Variants in RPS6KA6 observed in about 807,000 individuals in gnomAD.
RPS6KA6 encodes the protein ribosomal protein S6 kinase alpha-6.
Under a neutral mutation model 65.4 loss-of-function variants are expected in RPS6KA6, and 27 were observed. That is an observed-to-expected ratio of 0.41 (90% CI 0.30 to 0.57). The LOEUF is 0.57. Ranked by LOEUF, RPS6KA6 falls within the 20% of genes least tolerant of loss-of-function variation. The pLI, the probability that RPS6KA6 is intolerant of heterozygous loss-of-function variation, is 0.24. For synonymous variants in RPS6KA6, 190 were observed against 184.2 expected, an observed-to-expected ratio of 1.03 and a Z score of -0.26; for missense variants, 486 against 555.6, an observed-to-expected ratio of 0.87 and a Z score of 1.26.
At chrX:84,112,245 T>C (rs1027674527) in intron 12 of RPS6KA6, among the ~76,000 whole-genome samples, 3 of 111,557 alleles carry the variant, frequency 2.7e-5, no homozygotes, top group African/African-American at 9.8e-5. Flanking sequence ...GGGACTTCAA[T>C]ACCAAGTGAC....
intron 17 of RPS6KA6, among the ~76,000 whole-genome samples, chrX:84,103,788 T>C (rs377358138): frequency 9.0e-6 from 1 of 111,067 alleles, no homozygotes; most frequent in Non-Finnish European, 1.9e-5. Flanking sequence ...ACACACAAAA[T>C]TGAGTACTAT....
At chrX:84,143,876 C>T (rs182463846) in intron 6 of RPS6KA6, among the ~76,000 whole-genome samples, 1 of 110,910 alleles carries the variant, frequency 9.0e-6, no homozygotes, top group Non-Finnish European at 1.9e-5. Flanking sequence ...CAGAAATAGG[C>T]CTTCATATAT....
intron 8 of RPS6KA6, among the ~76,000 whole-genome samples, chrX:84,131,497 G>A (rs1331333497): frequency 8.9e-6 from 1 of 111,813 alleles, no homozygotes; most frequent in Non-Finnish European, 1.9e-5. Flanking sequence ...TAGTCTTCGA[G>A]GTCAGTTCAG....
intron 20 of RPS6KA6, among the ~76,000 whole-genome samples, chrX:84,092,283 A>G (rs941188191): frequency 9.0e-6 from 1 of 111,161 alleles, no homozygotes; most frequent in Non-Finnish European, 1.9e-5. Flanking sequence ...CAGGTGCTAC[A>G]TGAACAGGTG....
At chrX:84,185,405 G>A (rs1034366405) in intron 1 of RPS6KA6, among the ~76,000 whole-genome samples, 1 of 111,619 alleles carries the variant, frequency 9.0e-6, no homozygotes, top group Non-Finnish European at 1.9e-5. Context: ...ACAAACAGTG[G>A]TTAGGCTCGG....
In RPS6KA6 at chrX:84,061,528, C is replaced by CA. The variant is rs35214197; in HGVS notation, c.*2748dup. The CA allele has an allele frequency of 0.55, 60,291 of 109,898 alleles. 13,668 individuals carry two copies. Among genetic ancestry groups the CA allele is most frequent in the Non-Finnish European group, 0.71 (37,398 of 52,404 alleles). 9.1% of individuals were successfully genotyped at this position (109,898 alleles called of 1,213,427 possible). A position where few individuals can be genotyped will look rare whatever the true frequency, so the allele number is the denominator to read the frequency against. On this transcript the variant is annotated 3_prime_UTR_variant, in exon 22 of 22. Transcript: ENST00000262752. ...GACTTGAAACCATTGTTTTTTCCCA[C>CA]AAAAATCCCCATCACCAGCACTGCA...
chrX:84,104,777 A>G, intron 16 of RPS6KA6, 120 bp from the exon 17 acceptor site: 1 of 447,571 alleles, frequency 2.2e-6, no homozygotes, highest in Non-Finnish European at 3.5e-6. Context: ...AGAAACAAAA[A>G]AGACATTATT....
chrX:84,182,059 TCTCTCA>T lies in RPS6KA6; in HGVS notation c.81+5754_81+5759del, dbSNP rs748780714. 3.7e-3 allele frequency among the ~76,000 whole-genome samples: 278 copies of T among 75,508 alleles called. 1 individual carries two copies. Among genetic ancestry groups the T allele is most frequent in the Middle Eastern group, 0.02 (2 of 99 alleles). The allele number at this position is 75,508 out of a possible 115,157, so 65.6% of individuals were successfully genotyped here. On this transcript the variant is annotated intron_variant, in intron 1 of 21. Coordinates refer to ENST00000262752, the MANE Select transcript of RPS6KA6 (RefSeq NM_014496.5). The stretch of plus-strand genomic sequence containing the variant: ...CTGTCTCTCTCTCTCTCTCTCTCTC[TCTCTCA>T]CACACACACACACACACACACACAC...
At position 84,061,815 on chromosome X, in the gene RPS6KA6, G is replaced by T. The variant is rs1483054531; in HGVS notation, c.*2462C>A. The stretch of plus-strand genomic sequence containing the variant: ...CAGTATTCTAAAGTCTTATAGAAAA[G>T]ATGTGTTTTTACTAGTTAAGCATTG... On this transcript the variant is annotated 3_prime_UTR_variant, in exon 22 of 22. Coordinates refer to ENST00000262752, the MANE Select transcript of RPS6KA6 (RefSeq NM_014496.5). The T allele has an allele frequency of 9.0e-6, 1 of 111,632 alleles. No homozygotes were observed. The highest frequency in any genetic ancestry group is 1.9e-5 in the Non-Finnish European group (1 of 53,022). The allele number at this position is 111,632 out of a possible 1,213,427, so 9.2% of individuals were successfully genotyped here. A position where few individuals can be genotyped will look rare whatever the true frequency, so the allele number is the denominator to read the frequency against.
chrX:84,135,688 T>C (rs770365666), intron 6 of RPS6KA6, among the ~76,000 whole-genome samples: 2 of 111,576 alleles, frequency 1.8e-5, no homozygotes, highest in East Asian at 2.8e-4. Context: ...ATTTCACTTT[T>C]AGGGGCTCTA....
chrX:84,064,849 A>C, intron 21 of RPS6KA6, 122 bp downstream of exon 21: 1 of 530,701 alleles, frequency 1.9e-6, no homozygotes, highest in South Asian at 5.2e-5. Flanking sequence ...AATTTAAAAA[A>C]ATCTATCTTT....
At chrX:84,170,756 C>T (rs1234023104) in intron 1 of RPS6KA6, among the ~76,000 whole-genome samples, 1 of 111,604 alleles carries the variant, frequency 9.0e-6, no homozygotes, top group Non-Finnish European at 1.9e-5. Context: ...AGATAGGCCC[C>T]CATGATCCTC....
chrX:84,084,170 C>A (rs924640597), intron 20 of RPS6KA6, among the ~76,000 whole-genome samples: 2 of 112,422 alleles, frequency 1.8e-5, no homozygotes, highest in Non-Finnish European at 3.8e-5. Context: ...TCTGTTCACT[C>A]TGATGATAGT....
chrX:84,076,154 G>T (rs2033660029), intron 20 of RPS6KA6, among the ~76,000 whole-genome samples: 1 of 112,233 alleles, frequency 8.9e-6, no homozygotes, highest in African/African-American at 3.2e-5. Context: ...ACCTTTTTAA[G>T]AAATTGAATT....
Position 84,104,484 on chromosome X carries a change from T to C in RPS6KA6, c.1614+15A>G. On this transcript the variant is annotated intron_variant, in intron 17 of 21. Coordinates refer to ENST00000262752, the MANE Select transcript of RPS6KA6 (RefSeq NM_014496.5). ...AGGTCCCAGAATAGAAAGAAAAAAGTTAACTACAACTTACTCCTTGACAAT... is the reference window on the plus strand; with the variant it reads ...AGGTCCCAGAATAGAAAGAAAAAAGCTAACTACAACTTACTCCTTGACAAT... 1 of 1,077,538 alleles carries C rather than the reference T, an allele frequency of 9.3e-7. No individual in the cohort carries two copies. Among genetic ancestry groups the C allele is most frequent in the Non-Finnish European group, 1.2e-6 (1 of 820,430 alleles). The allele number at this position is 1,077,538 out of a possible 1,213,427, so 88.8% of individuals were successfully genotyped here.
At chrX:84,091,610 G>A (rs935040950) in intron 20 of RPS6KA6, among the ~76,000 whole-genome samples, 3 of 111,797 alleles carry the variant, frequency 2.7e-5, no homozygotes, top group Non-Finnish European at 3.8e-5. Context: ...AAATTAGTTC[G>A]ACCATTGTAG....
chrX:84,185,330 A>G (rs1461662561), intron 1 of RPS6KA6, among the ~76,000 whole-genome samples: 2 of 111,265 alleles, frequency 1.8e-5, no homozygotes, highest in Non-Finnish European at 3.8e-5. Flanking sequence ...CCCATTCTCT[A>G]CCTCTCACTG....
At chrX:84,096,499 A>G (rs1285272886) in intron 19 of RPS6KA6, among the ~76,000 whole-genome samples, 188 bp from the exon 20 acceptor site, 1 of 111,581 alleles carries the variant, frequency 9.0e-6, no homozygotes, top group East Asian at 2.8e-4. Context: ...AATGTTTAAT[A>G]AAATGGAGAA....
intron 1 of RPS6KA6, among the ~76,000 whole-genome samples, chrX:84,186,497 A>G (rs1223097182): frequency 8.9e-6 from 1 of 111,777 alleles, no homozygotes; most frequent in Non-Finnish European, 1.9e-5. Context: ...CGTATATTGG[A>G]ATTGCTTGGT....
Sources: allele counts gnomAD v4.1 joint callset (sites outside exome capture counted in the v4.1 genomes callset), GRCh38; gene constraint gnomAD v4.1.1; transcripts MANE v1.5; gene names NCBI Gene and HGNC (gene_info 2026-07-23, HGNC 2026-07-21).